The following PKHD1 variants were observed in gnomAD, a reference collection of about 807,000 sequenced individuals.
PKHD1 encodes the protein PKHD1 ciliary IPT domain containing fibrocystin/polyductin.
PKHD1 carries 291 observed loss-of-function variants against 412.0 expected under a neutral mutation model. The observed-to-expected ratio is 0.71, with a 90% CI of 0.64 to 0.78. PKHD1 has a LOEUF of 0.78. Among genes scored for constraint, PKHD1 ranks in the 30% least tolerant of loss-of-function variants. The probability of loss-of-function intolerance (pLI) is 0.00; values close to 1 mark genes in which losing one functional copy is unlikely to be tolerated. For synonymous variants in PKHD1, 1,777 were observed against 1,821.5 expected (o/e 0.98, Z 0.62); for missense variants, 4,825 against 4,950.7 (o/e 0.97, Z 0.76).
chr6:51,676,451 T>TC (rs1447697556), intron 60 of PKHD1, among the ~76,000 whole-genome samples: 1 of 152,100 alleles, frequency 6.6e-6, no homozygotes, highest in African/African-American at 2.4e-5. Flanking sequence ...CACCACCATT[T>TC]CCCTCAATAA....
intron 36 of PKHD1, among the ~76,000 whole-genome samples, chr6:51,952,057 A>G (rs1790443649): frequency 6.6e-6 from 1 of 152,164 alleles, no homozygotes; most frequent in Non-Finnish European, 1.5e-5. Context: ...AAATTGTTTA[A>G]TATCTATCTA....
At chr6:51,895,807 C>T (rs372495729) in intron 43 of PKHD1, among the ~76,000 whole-genome samples, 28 of 152,086 alleles carry the variant, frequency 1.8e-4, no homozygotes, top group Non-Finnish European at 3.1e-4. Flanking sequence ...TCAGTGGGTG[C>T]GCCCACCGTG....
chr6:51,772,680 C>T lies in PKHD1; in HGVS notation c.8642+22G>A, dbSNP rs376971107. The stretch of plus-strand genomic sequence containing the variant: ...CCTAAACAACAACCAAGAAAAAGCC[C>T]TAAGTTACTCTCATTCCTTACCTCT... On this transcript the variant is annotated intron_variant, in intron 55 of 66. Transcript: ENST00000371117. The T allele has an allele frequency of 3.1e-6, 4 of 1,287,552 alleles. No homozygotes were observed. The African/African-American group carries it at 4.4e-5, about 14-fold the overall frequency. The allele number at this position is 1,287,552 out of a possible 1,614,324, so 79.8% of individuals were successfully genotyped here.
chr6:51,868,463 G>T (rs1775439452), intron 47 of PKHD1, among the ~76,000 whole-genome samples: 1 of 151,764 alleles, frequency 6.6e-6, no homozygotes, highest in African/African-American at 2.4e-5. Flanking sequence ...AGCTGGCAGT[G>T]CTACTGGCAG....
chr6:51,842,183 C>T (rs747366009), intron 50 of PKHD1, among the ~76,000 whole-genome samples: 3 of 152,194 alleles, frequency 2.0e-5, no homozygotes, highest in African/African-American at 4.8e-5. Flanking sequence ...GCAGCAGGAG[C>T]CTCAGCCTTA....
intron 60 of PKHD1, among the ~76,000 whole-genome samples, chr6:51,670,019 T>A (rs1774629034): frequency 6.6e-6 from 1 of 151,460 alleles, no homozygotes; most frequent in South Asian, 2.1e-4. Flanking sequence ...AAATTGTATA[T>A]TCTGGTGATT....
intron 65 of PKHD1, among the ~76,000 whole-genome samples, chr6:51,630,990 T>C (rs1239281677): frequency 6.6e-6 from 1 of 152,094 alleles, no homozygotes; most frequent in African/African-American, 2.4e-5. Context: ...ATAGATATAT[T>C]TGTAAACACA....
intron 50 of PKHD1, among the ~76,000 whole-genome samples, chr6:51,843,697 G>A (rs952368643): frequency 5.3e-5 from 8 of 152,164 alleles, no homozygotes; most frequent in Admixed American, 1.3e-4. Flanking sequence ...ATAGTTCATC[G>A]TATTCATAAT....
chr6:51,688,610 A>T (rs1438804953), intron 60 of PKHD1, among the ~76,000 whole-genome samples: 2 of 152,144 alleles, frequency 1.3e-5, no homozygotes, highest in African/African-American at 4.8e-5. Context: ...GGAAGAAAAG[A>T]GAGAAGATTC....
At chr6:51,727,153 G>C (rs1342787551) in intron 60 of PKHD1, among the ~76,000 whole-genome samples, 1 of 152,166 alleles carries the variant, frequency 6.6e-6, no homozygotes, top group Non-Finnish European at 1.5e-5. Context: ...TAACTGAGCA[G>C]CTTAGCAGCT....
chr6:51,637,680 C>T (rs772382511), intron 64 of PKHD1, among the ~76,000 whole-genome samples: 16 of 151,470 alleles, frequency 1.1e-4, no homozygotes, highest in Non-Finnish European at 1.9e-4. Context: ...CTGAGGCAGG[C>T]GAATCACGAG....
At chr6:52,024,520 A>G in intron 32 of PKHD1, 54 bp downstream of exon 32, 1 of 1,508,902 alleles carries the variant, frequency 6.6e-7, no homozygotes, top group Non-Finnish European at 9.2e-7. Context: ...AAGTGAAAGG[A>G]GCTACCAATT....
intron 52 of PKHD1, among the ~76,000 whole-genome samples, chr6:51,807,437 C>CAAA (rs1174429085): frequency 1.2e-3 from 46 of 39,106 alleles, no homozygotes; most frequent in East Asian, 5.2e-3. Flanking sequence ...GACTCTGTCT[C>CAAA]AAAAAAAAAA....
Position 52,004,498 on chromosome 6 carries a change from T to C in PKHD1, c.5751+5811A>G, listed in dbSNP as rs146211770. Among the ~76,000 whole-genome samples, 1,208 of 152,360 alleles carry C rather than the reference T, an allele frequency of 7.9e-3. 16 individuals carry two copies. Among genetic ancestry groups the C allele is most frequent in the African/African-American group, 0.027 (1,123 of 41,590 alleles). The stretch of plus-strand genomic sequence containing the variant: ...CATCCATAGGTCTGTTTTAGTTGAT[T>C]GCATATTTTGCTTTTTTTCTCAGGT... On this transcript the variant is annotated intron_variant, in intron 35 of 66. Transcript: ENST00000371117.
intron 18 of PKHD1, 89 bp downstream of exon 18, chr6:52,056,609 T>G (rs1478531269): frequency 9.7e-7 from 1 of 1,025,858 alleles, no homozygotes; most frequent in Non-Finnish European, 1.6e-6. Flanking sequence ...TGTTATCACC[T>G]TGGAGAGGAA....
rs1342915932 is a variant in PKHD1, at chr6:52,025,825, T to C, written c.3985A>G (p.Ile1329Val). Residue 1329 changes from isoleucine to valine, a missense_variant, in exon 32 of 67, where the codon ATC (isoleucine) becomes GTC (valine). Physicochemically the swap from Ile to Val is conservative, Grantham distance 29. Transcript: ENST00000371117. ...TCACAGTTCAGGTTCCCCAGAAGGA[T>C]GACTGAGTTGGAGAGGTTACTTCCT... ...VGGSNLSNSV[I>V]LLGNLNCDVE... 6.2e-7 allele frequency: 1 copy of C among 1,614,078 alleles called. No individual in the cohort carries two copies.
At chr6:51,769,925 T>C (rs1439877762) in intron 55 of PKHD1, among the ~76,000 whole-genome samples, 1 of 151,680 alleles carries the variant, frequency 6.6e-6, no homozygotes, top group African/African-American at 2.4e-5. Context: ...TATTATACCT[T>C]TTTTCTTGTA....
intron 59 of PKHD1, among the ~76,000 whole-genome samples, chr6:51,746,219 G>A (rs766639663): frequency 6.6e-6 from 1 of 152,154 alleles, no homozygotes; most frequent in African/African-American, 2.4e-5. Context: ...GTTCAGTTCA[G>A]AGATTCCTGT....
chr6:51,864,408 G>A (rs1774708289), intron 48 of PKHD1, among the ~76,000 whole-genome samples: 1 of 152,168 alleles, frequency 6.6e-6, no homozygotes, highest in Admixed American at 6.6e-5. Flanking sequence ...GGTTCTACAG[G>A]TGAAAAGTAA....
Sources: allele counts gnomAD v4.1 joint callset (sites outside exome capture counted in the v4.1 genomes callset), GRCh38; gene constraint gnomAD v4.1.1; transcripts MANE v1.5; gene names NCBI Gene and HGNC (gene_info 2026-07-23, HGNC 2026-07-21).